The following CFAP20DC variants were observed in gnomAD, a reference collection of about 807,000 sequenced individuals.
The protein encoded by CFAP20DC is CFAP20 domain containing.
Under a neutral mutation model 101.7 loss-of-function variants are expected in CFAP20DC, and 84 were observed. The observed-to-expected ratio is 0.83, with a 90% CI of 0.69 to 0.99. The LOEUF (loss-of-function observed/expected upper bound fraction) is 0.99. Ranked by LOEUF, CFAP20DC falls within the 50% of genes least tolerant of loss-of-function variation. The pLI is 0.00. For synonymous variants in CFAP20DC, 359 were observed against 351.2 expected, an observed-to-expected ratio of 1.02 and a Z score of -0.25; for missense variants, 1,007 against 970.3, an observed-to-expected ratio of 1.04 and a Z score of -0.50.
intron 4 of CFAP20DC, among the ~76,000 whole-genome samples, chr3:59,013,330 T>A (rs962115465): frequency 5.3e-5 from 8 of 152,176 alleles, no homozygotes; most frequent in African/African-American, 1.9e-4. Context: ...TATGTTAGAT[T>A]GTGATCCAAC....
rs545356994 is a variant in CFAP20DC at position 58,845,654 on chromosome 3, C to G, written c.1971+3378G>C. Among the ~76,000 whole-genome samples the G allele has an allele frequency of 2.0e-5, 3 of 152,236 alleles. No individual in the cohort carries two copies. In the East Asian group the frequency reaches 5.8e-4, roughly 29 times the overall value. On this transcript the variant is annotated intron_variant, in intron 13 of 16. Coordinates refer to ENST00000482387, the MANE Select transcript of CFAP20DC (RefSeq NM_001394063.1). ...TACAAAAAGAGGGAATCCTCCCTAA[C>G]TCATTTGATGAGGCCAGCATCATCC...
rs2084304738 is a variant in CFAP20DC, at chr3:58,912,978, C to T, written c.550+730G>A. 6.6e-6 allele frequency among the ~76,000 whole-genome samples: 1 copy of T among 152,058 alleles called. No homozygotes were observed. The highest frequency in any genetic ancestry group is 6.6e-5 in the Admixed American group (1 of 15,254). On this transcript the variant is annotated intron_variant, in intron 6 of 16. Coordinates refer to ENST00000482387, the MANE Select transcript of CFAP20DC (RefSeq NM_001394063.1). The surrounding 1 kb of genome is among the most constrained non-coding windows in gnomAD (Gnocchi z 4.4). ...CACCCTTCCTAATTTGATGACTTTC[C>T]CACACAATGAGTCCTGCCTCCTTAG... is the stretch of plus-strand genomic sequence containing the variant.
chr3:58,857,576 T>A lies in CFAP20DC; in HGVS notation c.1593+5982A>T, dbSNP rs1242921376. 3.9e-5 allele frequency among the ~76,000 whole-genome samples: 6 copies of A among 152,228 alleles called. No homozygotes were observed. In the East Asian group the frequency reaches 1.2e-3, roughly 29 times the overall value. ...ATACATTTCCATGCTATTTTAAATA[T>A]ATGGAAAGAATAAATAACTGGAGAA... On this transcript the variant is annotated intron_variant, in intron 12 of 16. Coordinates refer to ENST00000482387, the MANE Select transcript of CFAP20DC (RefSeq NM_001394063.1).
chr3:58,883,164 A>C (rs1371304893), intron 7 of CFAP20DC, among the ~76,000 whole-genome samples: 1 of 152,164 alleles, frequency 6.6e-6, no homozygotes, highest in African/African-American at 2.4e-5. Context: ...TCTCATCCCC[A>C]TCTATTACCT....
chr3:58,723,154 C>T (rs560020148), intron 3 of CFAP20DC, among the ~76,000 whole-genome samples: 1 of 152,332 alleles, frequency 6.6e-6, no homozygotes, highest in East Asian at 1.9e-4. Flanking sequence ...ATAATAAATA[C>T]TTACCAAGTG....
At chr3:58,835,030 C>G (rs1323793995) in intron 13 of CFAP20DC, among the ~76,000 whole-genome samples, 1 of 152,114 alleles carries the variant, frequency 6.6e-6, no homozygotes, top group African/African-American at 2.4e-5. Context: ...TCTTAAGAGA[C>G]TGCTGAGTTG....
At chr3:58,756,371 AT>A (rs2068957996) in intron 15 of CFAP20DC, among the ~76,000 whole-genome samples, 1 of 152,074 alleles carries the variant, frequency 6.6e-6, no homozygotes, top group African/African-American at 2.4e-5. Flanking sequence ...CAAGTTCTCA[AT>A]TTGCTTACAG....
intron 14 of CFAP20DC, among the ~76,000 whole-genome samples, chr3:58,811,611 A>C (rs1471408612): frequency 3.3e-5 from 5 of 152,100 alleles, no homozygotes; most frequent in Admixed American, 2.6e-4. Context: ...CCTAGAAGAA[A>C]ACCTAGGCAT....
At chr3:59,034,383 T>A (rs1181919274) in intron 4 of CFAP20DC, among the ~76,000 whole-genome samples, 1 of 152,190 alleles carries the variant, frequency 6.6e-6, no homozygotes, top group Non-Finnish European at 1.5e-5. Flanking sequence ...ATGCCCCCAA[T>A]TAAGACACAG....
intron 4 of CFAP20DC, among the ~76,000 whole-genome samples, chr3:59,033,933 T>A (rs1233184481): frequency 6.6e-6 from 1 of 152,030 alleles, no homozygotes; most frequent in Non-Finnish European, 1.5e-5. Context: ...GGAAAAAATG[T>A]TAAGGGCAGC....
At chr3:58,763,923 C>A (rs1156538080) in intron 15 of CFAP20DC, among the ~76,000 whole-genome samples, 1 of 152,174 alleles carries the variant, frequency 6.6e-6, no homozygotes, top group African/African-American at 2.4e-5. Context: ...GCATACCTGG[C>A]CATGTGAGGT....
Position 59,049,641 on chromosome 3 carries a change from G to T in CFAP20DC, c.-10C>A, listed in dbSNP as rs1054974901. 3 of 1,536,122 alleles carry T rather than the reference G, an allele frequency of 2.0e-6. No individual in the cohort carries two copies. The Admixed American group carries it at 5.9e-5, about 30-fold the overall frequency. On this transcript the variant is annotated 5_prime_UTR_variant, in exon 1 of 17. Coordinates refer to ENST00000482387, the MANE Select transcript of CFAP20DC (RefSeq NM_001394063.1). ...ACTCATTTTTGAACATTCCCGCAGG[G>T]GGCCCAGGGCTTGGGGGGCACAGAG...
intron 6 of CFAP20DC, among the ~76,000 whole-genome samples, chr3:58,900,520 A>G (rs1367951298): frequency 2.0e-5 from 3 of 152,234 alleles, no homozygotes; most frequent in Non-Finnish European, 2.9e-5. Context: ...GACATGTTCT[A>G]TCTTCTGGAA....
In CFAP20DC at chr3:58,816,165, G is replaced by A. The variant is rs866979502; in HGVS notation, c.2176-9709C>T. ...GAAAATGTGGCACACATACACCATG[G>A]AATACTATGCAGCCATAAAAAATGA... is the stretch of plus-strand genomic sequence containing the variant. On this transcript the variant is annotated intron_variant, in intron 14 of 16. Transcript: ENST00000482387. Among the ~76,000 whole-genome samples the A allele has an allele frequency of 8.0e-4, 122 of 151,966 alleles. 1 individual carries two copies. The highest frequency in any genetic ancestry group is 3.4e-3 in the Middle Eastern group (1 of 292).
At chr3:58,763,979 G>T (rs553425724) in intron 15 of CFAP20DC, among the ~76,000 whole-genome samples, 2 of 152,322 alleles carry the variant, frequency 1.3e-5, no homozygotes, top group East Asian at 3.9e-4. Flanking sequence ...AGGCTACTCA[G>T]GGGTCAGGGA....
chr3:58,810,403 G>A (rs573482627), intron 14 of CFAP20DC, among the ~76,000 whole-genome samples: 13 of 152,134 alleles, frequency 8.5e-5, no homozygotes, highest in South Asian at 2.1e-4. Flanking sequence ...TTCAATATAC[G>A]CAAATCAATA....
chr3:58,781,232 G>GA (rs750210072), intron 15 of CFAP20DC, among the ~76,000 whole-genome samples: 1 of 151,510 alleles, frequency 6.6e-6, no homozygotes, highest in Admixed American at 6.6e-5. Flanking sequence ...AACATTTCTT[G>GA]AAAAAAACAA....
chr3:59,002,973 G>C lies in CFAP20DC; in HGVS notation c.278+36584C>G, dbSNP rs186552911. ...GAGCTATAATGCATCCAAGATTTCT[G>C]ACTGAATATCCAATGTTCTTCCCTA... On this transcript the variant is annotated intron_variant, in intron 4 of 16. Coordinates refer to ENST00000482387, the MANE Select transcript of CFAP20DC (RefSeq NM_001394063.1). The surrounding 1 kb of genome is among the most constrained non-coding windows in gnomAD (Gnocchi z 4.5). Among the ~76,000 whole-genome samples, 129 of 152,226 alleles carry C rather than the reference G, an allele frequency of 8.5e-4. No homozygotes were observed. Among genetic ancestry groups the C allele is most frequent in the Non-Finnish European group, 1.4e-3 (93 of 68,014 alleles).
At chr3:58,990,751 G>C (rs576283994) in intron 4 of CFAP20DC, among the ~76,000 whole-genome samples, 1 of 146,048 alleles carries the variant, frequency 6.8e-6, no homozygotes, top group African/African-American at 2.6e-5. Context: ...AGGATGCTCA[G>C]CTGGTGTGTG....
Sources: gnomAD v4.1 joint callset for allele counts (sites outside exome capture counted in the v4.1 genomes callset) on GRCh38, gnomAD v4.1.1 for gene constraint, Gnocchi (gnomAD v3.1) non-coding constraint, MANE v1.5 for transcripts, NCBI Gene and HGNC (gene_info 2026-07-23, HGNC 2026-07-21) for gene names.